CAST: variants seen among roughly 807,000 people sequenced by gnomAD.
CAST encodes calpastatin, also known as MIR583 host.
Under a neutral mutation model 119.6 loss-of-function variants are expected in CAST, and 76 were observed. That is an observed-to-expected ratio of 0.64 (90% CI 0.53 to 0.77). The LOEUF is 0.77. CAST is among the 30% of genes least tolerant of loss of function. The pLI, the probability that CAST is intolerant of heterozygous loss-of-function variation, is 0.00. For missense variants in CAST, 953 were observed against 946.5 expected (o/e 1.01, Z -0.09); for synonymous variants, 319 against 331.6 (o/e 0.96, Z 0.41).
chr5:96,006,144 C>T, the CAST span, among the ~76,000 whole-genome samples: 2 of 152,028 alleles, frequency 1.3e-5, no homozygotes, highest in African/African-American at 4.8e-5. Flanking sequence ...TATGACTGTG[C>T]AAGTTCACCT....
At position 96,774,184 on chromosome 5, in the gene CAST, A is replaced by C. The variant is rs1773468702; in HGVS notation, c.*1568A>C. On this transcript the variant is annotated 3_prime_UTR_variant, in exon 32 of 32. Coordinates refer to ENST00000675179, the MANE Select transcript of CAST (RefSeq NM_001750.7). The stretch of plus-strand genomic sequence containing the variant: ...TTTTTGTTTTCTTTTTTTAAGAAAA[A>C]CCTTGAAACCTTTGACACTGACAGA... 6.5e-6 allele frequency: 1 copy of C among 153,856 alleles called. No individual in the cohort carries two copies. The highest frequency in any genetic ancestry group is 1.5e-5 in the Non-Finnish European group (1 of 68,070). The allele number at this position is 153,856 out of a possible 1,614,324, so 9.5% of individuals were successfully genotyped here.
chr5:96,019,675 G>A, the CAST span, among the ~76,000 whole-genome samples: 1 of 152,102 alleles, frequency 6.6e-6, no homozygotes, highest in African/African-American at 2.4e-5. Flanking sequence ...AGGTCCTGGG[G>A]GTACCTAACT....
intron 2 of CAST, among the ~76,000 whole-genome samples, chr5:96,687,254 G>GTAT (rs980911352): frequency 2.0e-5 from 3 of 152,184 alleles, no homozygotes; most frequent in African/African-American, 7.2e-5. Context: ...TAGCCTGTCA[G>GTAT]TATTCTTGCT....
chr5:96,365,924 G>C, the CAST span, among the ~76,000 whole-genome samples: 2 of 152,122 alleles, frequency 1.3e-5, no homozygotes, highest in African/African-American at 4.8e-5. Context: ...TCCTACCTTC[G>C]ATGGTCTTTA....
chr5:96,561,364 G>GA (rs55711512), intron 1 of CAST, among the ~76,000 whole-genome samples: 51,067 of 149,838 alleles, frequency 0.34, 9,264 homozygotes, highest in Middle Eastern at 0.46. Context: ...ATAAAAAAAA[G>GA]AAAAAAAGGA....
At chr5:96,486,705 T>TG in the CAST span, among the ~76,000 whole-genome samples, 58,629 of 151,586 alleles carry the variant, frequency 0.39, 11,511 homozygotes, top group East Asian at 0.43. Context: ...TCTTTTGTGT[T>TG]GGGGGGGCAG....
the CAST span, among the ~76,000 whole-genome samples, chr5:96,514,426 T>C: frequency 6.6e-6 from 1 of 152,160 alleles, no homozygotes; most frequent in Non-Finnish European, 1.5e-5. Flanking sequence ...TGCCCAAGTA[T>C]TTGCTTATTA....
At chr5:96,695,775 G>C in intron 2 of CAST, 61 bp from the exon 3 acceptor site, 1 of 1,052,072 alleles carries the variant, frequency 9.5e-7, no homozygotes, top group Non-Finnish European at 1.4e-6. Flanking sequence ...ATGTAAGTTT[G>C]CATTTGACTA....
chr5:96,207,991 C>A, the CAST span, among the ~76,000 whole-genome samples: 4 of 152,036 alleles, frequency 2.6e-5, no homozygotes, highest in South Asian at 8.3e-4. Flanking sequence ...TTGGTCTGTT[C>A]CAGGTTTGAA....
chr5:96,410,071 G>T, the CAST span, among the ~76,000 whole-genome samples: 3 of 152,010 alleles, frequency 2.0e-5, no homozygotes, highest in Non-Finnish European at 2.9e-5. Flanking sequence ...TTAAATTGGG[G>T]GCCTTACATT....
chr5:96,149,888 G>A, the CAST span, among the ~76,000 whole-genome samples: 1 of 152,116 alleles, frequency 6.6e-6, no homozygotes, highest in African/African-American at 2.4e-5. Flanking sequence ...TCAGGGGAAG[G>A]AATAACAAGG....
the CAST span, among the ~76,000 whole-genome samples, chr5:96,001,570 A>G: frequency 2.6e-5 from 4 of 152,344 alleles, no homozygotes; most frequent in East Asian, 7.7e-4. Context: ...AACACTTGGG[A>G]CTGTATAAAG....
At chr5:96,193,737 C>T in the CAST span, among the ~76,000 whole-genome samples, 2 of 152,138 alleles carry the variant, frequency 1.3e-5, no homozygotes, top group Non-Finnish European at 2.9e-5. Flanking sequence ...GAAGCTAGAT[C>T]GTTTGGATTG....
the CAST span, among the ~76,000 whole-genome samples, chr5:96,442,478 C>T: frequency 1.3e-5 from 2 of 152,186 alleles, no homozygotes; most frequent in African/African-American, 4.8e-5. Context: ...TTATGTTATC[C>T]TAAAATGTTA....
At chr5:96,217,798 G>A in the CAST span, among the ~76,000 whole-genome samples, 1 of 152,272 alleles carries the variant, frequency 6.6e-6, no homozygotes, top group East Asian at 1.9e-4. Context: ...TTGGTAATTA[G>A]GAGAAGGGTT....
At chr5:96,313,832 C>G in the CAST span, among the ~76,000 whole-genome samples, 1 of 152,042 alleles carries the variant, frequency 6.6e-6, no homozygotes, top group Non-Finnish European at 1.5e-5. Context: ...CATGATACCT[C>G]ATTTTGTCTT....
At chr5:96,365,864 A>G in the CAST span, among the ~76,000 whole-genome samples, 2 of 152,188 alleles carry the variant, frequency 1.3e-5, no homozygotes, top group African/African-American at 2.4e-5. Flanking sequence ...TGATCCTGTC[A>G]TTATGATGTT....
chr5:96,509,594 T>A, the CAST span, among the ~76,000 whole-genome samples: 1 of 152,114 alleles, frequency 6.6e-6, no homozygotes, highest in Non-Finnish European at 1.5e-5. Flanking sequence ...AACATGAGCA[T>A]GGAGGGGAAT....
At chr5:96,680,265 G>T (rs1324724359) in intron 2 of CAST, among the ~76,000 whole-genome samples, 3 of 143,538 alleles carry the variant, frequency 2.1e-5, no homozygotes, top group Non-Finnish European at 4.5e-5. Context: ...TGAGGCAGGA[G>T]AATTGCTTGA....
Sources: gnomAD v4.1 joint callset for allele counts (sites outside exome capture counted in the v4.1 genomes callset) on GRCh38, gnomAD v4.1.1 for gene constraint, MANE v1.5 for transcripts, NCBI Gene and HGNC (gene_info 2026-07-23, HGNC 2026-07-21) for gene names.